Variants in BANK1 observed in about 807,000 individuals in gnomAD.
The protein encoded by BANK1 is B-cell scaffold protein with ankyrin repeats.
A neutral mutation model predicts 94.5 loss-of-function variants in BANK1; 95 were observed. The ratio of observed to expected loss-of-function variants is 1.00; its 90% confidence interval spans 0.85 to 1.19. BANK1 has a LOEUF of 1.19. BANK1 is among the 50% of genes most tolerant of loss of function. The pLI is 0.00. For synonymous variants in BANK1, 334 were observed against 308.4 expected (o/e 1.08, Z -0.87); for missense variants, 987 against 932.2 (o/e 1.06, Z -0.77).
chr4:101,931,994 A>G (rs1723365395), intron 7 of BANK1, among the ~76,000 whole-genome samples: 1 of 151,554 alleles, frequency 6.6e-6, no homozygotes, highest in African/African-American at 2.4e-5. Flanking sequence ...ATATTCCTTC[A>G]TGAGAAAATG....
chr4:101,951,346 T>A (rs1477047810), intron 7 of BANK1, among the ~76,000 whole-genome samples: 1 of 152,178 alleles, frequency 6.6e-6, no homozygotes. Flanking sequence ...AATGTCTTTT[T>A]ATAAAAATAT....
intron 14 of BANK1, 49 bp from the exon 15 acceptor site, chr4:102,072,296 T>C: frequency 7.2e-7 from 1 of 1,380,826 alleles, no homozygotes. Flanking sequence ...AAATAAATCA[T>C]CAAATTTGTG....
At chr4:101,984,470 T>A (rs774393912) in intron 7 of BANK1, among the ~76,000 whole-genome samples, 4 of 152,086 alleles carry the variant, frequency 2.6e-5, no homozygotes, top group Non-Finnish European at 4.4e-5. Flanking sequence ...AAGGATATTA[T>A]CTCATTTACC....
chr4:101,875,822 C>G (rs1303121957), intron 5 of BANK1, among the ~76,000 whole-genome samples: 1 of 152,164 alleles, frequency 6.6e-6, no homozygotes, highest in East Asian at 1.9e-4. Flanking sequence ...GAAAGGCAAT[C>G]TAGGCCAAAA....
Position 101,839,936 on chromosome 4 carries a change from AATTTTTTTTT to A in BANK1, c.469+9731_469+9740del, listed in dbSNP as rs1174336365. 2.4e-3 allele frequency among the ~76,000 whole-genome samples: 193 copies of A among 78,978 alleles called. 2 individuals carry two copies. The highest frequency in any genetic ancestry group is 8.4e-3 in the African/African-American group (182 of 21,710). The allele number at this position is 78,978 out of a possible 152,430, so 51.8% of individuals were successfully genotyped here. A position where few individuals can be genotyped will look rare whatever the true frequency, so the allele number is the denominator to read the frequency against. On this transcript the variant is annotated intron_variant, in intron 2 of 16. Transcript: ENST00000322953. ...AGCTACTATATAATTTCAAATATTT[AATTTTTTTTT>A]TTTTTTTTTTTTTTTTTTTTTTTTT...
chr4:101,952,565 G>GC (rs1724201828), intron 7 of BANK1, among the ~76,000 whole-genome samples: 1 of 152,012 alleles, frequency 6.6e-6, no homozygotes, highest in South Asian at 2.1e-4. Flanking sequence ...TGAGTGCTTG[G>GC]CATATGATTA....
chr4:101,891,507 G>A (rs768152905), intron 5 of BANK1, among the ~76,000 whole-genome samples: 4 of 151,946 alleles, frequency 2.6e-5, no homozygotes, highest in Non-Finnish European at 5.9e-5. Context: ...AGCTTGCTCC[G>A]TCTATAGGTT....
intron 7 of BANK1, among the ~76,000 whole-genome samples, chr4:101,959,973 G>T (rs1286945782): frequency 6.6e-6 from 1 of 152,138 alleles, no homozygotes; most frequent in East Asian, 1.9e-4. Flanking sequence ...TCAGGATTCT[G>T]ACATTGACCC....
At chr4:101,986,853 A>ATATATATG (rs1725507370) in intron 7 of BANK1, among the ~76,000 whole-genome samples, 1 of 68,490 alleles carries the variant, frequency 1.5e-5, no homozygotes, top group African/African-American at 5.1e-5. Flanking sequence ...GTGTATATAT[A>ATATATATG]TGTATATATA....
chr4:101,838,383 T>C (rs149151278), intron 2 of BANK1, among the ~76,000 whole-genome samples: 91 of 152,352 alleles, frequency 6.0e-4, no homozygotes, highest in Non-Finnish European at 1.0e-3. Context: ...ATTGTGTTAT[T>C]AACAACTTAG....
chr4:102,003,045 G>A (rs1374962676), intron 7 of BANK1, among the ~76,000 whole-genome samples: 1 of 152,194 alleles, frequency 6.6e-6, no homozygotes, highest in African/African-American at 2.4e-5. Flanking sequence ...ACAGGTGTGA[G>A]CTACCGTGCC....
intron 7 of BANK1, among the ~76,000 whole-genome samples, chr4:101,990,458 C>T (rs1362525510): frequency 1.3e-5 from 2 of 152,148 alleles, no homozygotes; most frequent in African/African-American, 2.4e-5. Context: ...ACCATGGTCA[C>T]GTTAAAACTT....
chr4:101,804,304 G>C lies in BANK1; in HGVS notation c.70+13354G>C, dbSNP rs201899606. Among the ~76,000 whole-genome samples the C allele has an allele frequency of 2.6e-5, 4 of 152,222 alleles. No individual in the cohort carries two copies. In the East Asian group the frequency reaches 7.7e-4, roughly 29 times the overall value. ...AATAATTTTGTGGCCACCTCCTGTT[G>C]CTACTGCAGTGAGATCAAGTGTTGG... On this transcript the variant is annotated intron_variant, in intron 1 of 16. Transcript: ENST00000322953.
intron 7 of BANK1, among the ~76,000 whole-genome samples, chr4:101,921,695 T>A (rs1464764564): frequency 6.6e-6 from 1 of 151,956 alleles, no homozygotes; most frequent in Non-Finnish European, 1.5e-5. Context: ...GAGACAGGTG[T>A]TCACTTATCT....
intron 4 of BANK1, among the ~76,000 whole-genome samples, chr4:101,864,038 C>T (rs914899432): frequency 3.9e-5 from 6 of 152,028 alleles, no homozygotes; most frequent in African/African-American, 1.4e-4. Flanking sequence ...ATAAGAAAAG[C>T]AGAAAATGAA....
intron 7 of BANK1, among the ~76,000 whole-genome samples, chr4:101,989,218 G>T (rs1409286723): frequency 6.6e-6 from 1 of 151,956 alleles, no homozygotes; most frequent in African/African-American, 2.4e-5. Flanking sequence ...GCCGAGGCGG[G>T]CGGATGACAA....
At chr4:102,030,378 A>T in intron 10 of BANK1, 113 bp downstream of exon 10, 1 of 1,089,704 alleles carries the variant, frequency 9.2e-7, no homozygotes, top group Admixed American at 2.9e-5. Context: ...AAGAGTAAAC[A>T]TTTTTTTTCA....
chr4:101,974,227 A>G (rs1045025603), intron 7 of BANK1, among the ~76,000 whole-genome samples: 2 of 152,126 alleles, frequency 1.3e-5, no homozygotes, highest in Non-Finnish European at 2.9e-5. Flanking sequence ...GAACTGAAAC[A>G]ACTATTTGTT....
rs7678000 is a variant in BANK1, at chr4:102,073,103, C to A, written c.2299-581C>A. 8.0e-3 allele frequency among the ~76,000 whole-genome samples: 1,215 copies of A among 151,916 alleles called. 16 individuals are homozygous for A. Among genetic ancestry groups the A allele is most frequent in the African/African-American group, 0.028 (1,158 of 41,494 alleles). ...TTTTAATTTTCCAAAGTTTAATAAC[C>A]CTTTAAGTTCCTTGTATATTTCAAA... On this transcript the variant is annotated intron_variant, in intron 15 of 16. Coordinates refer to ENST00000322953, the MANE Select transcript of BANK1 (RefSeq NM_017935.5).
Sources: allele counts gnomAD v4.1 joint callset (sites outside exome capture counted in the v4.1 genomes callset), GRCh38; gene constraint gnomAD v4.1.1; transcripts MANE v1.5; gene names NCBI Gene and HGNC (gene_info 2026-07-23, HGNC 2026-07-21).